Variants in KAZN observed in about 807,000 individuals in gnomAD.
KAZN encodes kazrin.
In KAZN, 40 loss-of-function variants were observed where a neutral mutation model predicts 87.4. The ratio of observed to expected loss-of-function variants is 0.46; its 90% CI spans 0.36 to 0.60. The LOEUF is 0.60. Among genes scored for constraint, KAZN ranks in the 20% least tolerant of loss-of-function variants. KAZN has a pLI of 0.00. For synonymous variants in KAZN, 466 were observed against 458.3 expected, an observed-to-expected ratio of 1.02 and a Z score of -0.22; for missense variants, 898 against 1,073.9, an observed-to-expected ratio of 0.84 and a Z score of 2.29.
intron 1 of KAZN, among the ~76,000 whole-genome samples, chr1:14,066,045 G>A (rs909029125): frequency 1.3e-5 from 2 of 152,050 alleles, no homozygotes; most frequent in African/African-American, 2.4e-5. Flanking sequence ...TTGCTACCCA[G>A]CTTAGGTCCT....
At chr1:14,419,661 A>T (rs1341371352) in intron 2 of KAZN, among the ~76,000 whole-genome samples, 1 of 152,116 alleles carries the variant, frequency 6.6e-6, no homozygotes, top group Non-Finnish European at 1.5e-5. Context: ...ATGTGTTCAG[A>T]GTTCCTTCCT....
intron 2 of KAZN, among the ~76,000 whole-genome samples, chr1:15,031,061 T>C (rs1229084294): frequency 1.3e-5 from 2 of 152,166 alleles, no homozygotes; most frequent in Non-Finnish European, 2.9e-5. Flanking sequence ...ACAGGCTGAG[T>C]CTGCAGGATT....
At chr1:14,219,079 A>T (rs1212971879) in intron 2 of KAZN, among the ~76,000 whole-genome samples, 2 of 152,160 alleles carry the variant, frequency 1.3e-5, no homozygotes, top group Non-Finnish European at 2.9e-5. Context: ...ACTCTATAGG[A>T]CACACTTGTT....
At chr1:14,261,608 A>G (rs1299789482) in intron 2 of KAZN, among the ~76,000 whole-genome samples, 2 of 152,174 alleles carry the variant, frequency 1.3e-5, no homozygotes, top group African/African-American at 4.8e-5. Context: ...GGAGGCGGAA[A>G]AATCGTTTGT....
intron 2 of KAZN, among the ~76,000 whole-genome samples, chr1:14,195,935 A>G (rs1646517743): frequency 1.3e-5 from 2 of 152,190 alleles, no homozygotes; most frequent in African/African-American, 4.8e-5. Context: ...AGAAGGAAAT[A>G]AGGTAGAGTC....
intron 2 of KAZN, among the ~76,000 whole-genome samples, chr1:14,440,729 C>T (rs1666650886): frequency 6.6e-6 from 1 of 152,188 alleles, no homozygotes. Flanking sequence ...TGGTGCTCTT[C>T]TGTTTTGGCA....
At chr1:14,451,234 C>A (rs1667258149) in intron 2 of KAZN, among the ~76,000 whole-genome samples, 1 of 152,106 alleles carries the variant, frequency 6.6e-6, no homozygotes, top group African/African-American at 2.4e-5. Context: ...CTAAGTACCC[C>A]ACAAGGACTG....
intron 2 of KAZN, among the ~76,000 whole-genome samples, chr1:14,239,486 G>A (rs1409843951): frequency 7.5e-6 from 1 of 133,816 alleles, no homozygotes; most frequent in Non-Finnish European, 1.6e-5. Context: ...TTGAGGTGGA[G>A]TTTCACTCTT....
intron 1 of KAZN, among the ~76,000 whole-genome samples, chr1:14,703,870 G>C (rs1290905371): frequency 6.6e-6 from 1 of 152,168 alleles, no homozygotes; most frequent in African/African-American, 2.4e-5. Context: ...ACTCCAGCCT[G>C]TGAGACTTTG....
chr1:15,059,519 T>C (rs1191792703), intron 5 of KAZN, among the ~76,000 whole-genome samples: 1 of 151,444 alleles, frequency 6.6e-6, no homozygotes, highest in Admixed American at 6.6e-5. Context: ...CATGCTCTGG[T>C]GTGTAGAGTG....
At position 14,542,920 on chromosome 1, in the gene KAZN, C is replaced by G. The variant is rs902930512; in HGVS notation, c.250-56063C>G. Among the ~76,000 whole-genome samples, 5 of 149,348 alleles carry G rather than the reference C, an allele frequency of 3.3e-5. 1 individual carries two copies. The Admixed American group carries it at 3.4e-4, about 10-fold the overall frequency. On this transcript the variant is annotated intron_variant, in intron 2 of 16. Coordinates refer to the KAZN transcript ENST00000636203. Reference sequence around the variant, plus strand: ...GGAGTGGTGCTTTGCTCAGCCTGCCCAGCCAGAAGTGGCAGCCCTGCTCTT... The same window carrying G: ...GGAGTGGTGCTTTGCTCAGCCTGCCGAGCCAGAAGTGGCAGCCCTGCTCTT...
chr1:14,263,431 G>A (rs1651232953), intron 2 of KAZN, among the ~76,000 whole-genome samples: 1 of 152,194 alleles, frequency 6.6e-6, no homozygotes. Context: ...TAATTAGACA[G>A]GATAATTGGG....
At chr1:14,824,246 G>A (rs1047004609) in intron 1 of KAZN, among the ~76,000 whole-genome samples, 2 of 152,086 alleles carry the variant, frequency 1.3e-5, no homozygotes, top group African/African-American at 2.4e-5. Flanking sequence ...AGGAAGATGA[G>A]AAGAGCCCAG....
intron 2 of KAZN, among the ~76,000 whole-genome samples, chr1:14,281,480 G>A (rs1332617543): frequency 6.6e-5 from 10 of 152,154 alleles, no homozygotes. Flanking sequence ...AGATACACCT[G>A]CATTATCACT....
intron 2 of KAZN, among the ~76,000 whole-genome samples, chr1:14,570,015 C>T (rs554721061): frequency 1.5e-4 from 23 of 152,100 alleles, no homozygotes; most frequent in East Asian, 3.9e-4. Flanking sequence ...TGGGAGGCCG[C>T]GGCAGGAGAA....
At chr1:14,111,188 T>C (rs1644492168) in intron 1 of KAZN, among the ~76,000 whole-genome samples, 1 of 133,914 alleles carries the variant, frequency 7.5e-6, no homozygotes, top group African/African-American at 2.9e-5. Flanking sequence ...GCAGGATAAA[T>C]AGAGTTTCCA....
chr1:14,072,544 T>C (rs1034356719), intron 1 of KAZN, among the ~76,000 whole-genome samples: 29 of 152,208 alleles, frequency 1.9e-4, no homozygotes, highest in African/African-American at 7.0e-4. Context: ...CCTAGGGTTG[T>C]AATGCATATC....
intron 2 of KAZN, among the ~76,000 whole-genome samples, chr1:14,416,976 ATATGTGTATATATATG>A (rs973484598): frequency 1.1e-4 from 15 of 140,100 alleles, no homozygotes; most frequent in Non-Finnish European, 2.1e-4. Flanking sequence ...ACATATGTAT[ATATGTGTATATATATG>A]TGTGTATGTA....
intron 2 of KAZN, among the ~76,000 whole-genome samples, chr1:14,375,443 G>A (rs1660820497): frequency 6.6e-6 from 1 of 152,132 alleles, no homozygotes; most frequent in South Asian, 2.1e-4. Context: ...CATACCGTAG[G>A]AATACTGTGT....
Sources: allele counts gnomAD v4.1 joint callset (sites outside exome capture counted in the v4.1 genomes callset), GRCh38; gene constraint gnomAD v4.1.1; transcripts MANE v1.5; gene names NCBI Gene and HGNC (gene_info 2026-07-23, HGNC 2026-07-21).